Variants in ITGAE observed in about 807,000 individuals in gnomAD.
ITGAE encodes integrin alpha-E.
A neutral mutation model predicts 136.5 loss-of-function variants in ITGAE; 99 were observed. That is an observed-to-expected ratio of 0.73 (90% CI 0.62 to 0.86). The LOEUF (loss-of-function observed/expected upper bound fraction) is 0.86, where lower values mean the gene tolerates loss of function less well. Ranked by LOEUF, ITGAE falls within the 40% of genes least tolerant of loss-of-function variation. The pLI is 0.00. For synonymous variants in ITGAE, 613 were observed against 591.8 expected (o/e 1.04, Z -0.52); for missense variants, 1,447 against 1,515.3 (o/e 0.95, Z 0.75).
chr17:3,786,888 CAAAAAA>C (rs1268482931), intron 1 of ITGAE, among the ~76,000 whole-genome samples: 1 of 35,316 alleles, frequency 2.8e-5, no homozygotes, highest in African/African-American at 9.7e-5. Context: ...GACTCCATCT[CAAAAAA>C]AAAAAAAAAA....
In ITGAE at chr17:3,776,586, T is replaced by A. The variant is rs536928655; in HGVS notation, c.155+954A>T. 1.3e-4 allele frequency among the ~76,000 whole-genome samples: 20 copies of A among 152,088 alleles called. 2 individuals are homozygous for A. Among genetic ancestry groups the A allele is most frequent in the Non-Finnish European group, 2.9e-5 (2 of 68,020 alleles). On this transcript the variant is annotated intron_variant, in intron 2 of 30. Transcript: ENST00000263087. ...ACGCTTGTTCCTCATAGTTTCAGGG[T>A]TTTTGTTCTGGAGACAGGCCGGAGT...
intron 29 of ITGAE, among the ~76,000 whole-genome samples, chr17:3,719,667 G>A (rs2051010986): frequency 6.6e-6 from 1 of 152,156 alleles, no homozygotes; most frequent in South Asian, 2.1e-4. Context: ...CACTGATACA[G>A]CACACTAAGA....
chr17:3,757,658 C>A, intron 9 of ITGAE, 48 bp downstream of exon 9: 1 of 1,602,344 alleles, frequency 6.2e-7, no homozygotes, highest in Non-Finnish European at 8.5e-7. Context: ...TTCTCCCCAC[C>A]CCAGGCTGTG....
chr17:3,740,704 T>G (rs949636509), intron 19 of ITGAE, among the ~76,000 whole-genome samples: 1 of 152,194 alleles, frequency 6.6e-6, no homozygotes, highest in Non-Finnish European at 1.5e-5. Flanking sequence ...AGCTAACTAT[T>G]TCCCTTGCCT....
Position 3,787,870 on chromosome 17 carries a change from T to C in ITGAE, c.35-10210A>G, listed in dbSNP as rs113288164. Among the ~76,000 whole-genome samples, 516 of 152,104 alleles carry C rather than the reference T, an allele frequency of 3.4e-3. 1 individual carries two copies. The highest frequency in any genetic ancestry group is 5.3e-3 in the Non-Finnish European group (361 of 67,978). ...GCCCGGGTAATTTTTGTATTTTTAG[T>C]AGAGATGGGCTTTTCGCCATGTTGG... On this transcript the variant is annotated intron_variant, in intron 1 of 30. Transcript: ENST00000263087.
chr17:3,719,107 G>C (rs1360916178), intron 29 of ITGAE, among the ~76,000 whole-genome samples: 2 of 140,610 alleles, frequency 1.4e-5, no homozygotes, highest in East Asian at 1.9e-4. Context: ...ATGGTGGTGG[G>C]CACCTGTAAT....
chr17:3,795,262 G>A (rs1362111800), intron 1 of ITGAE, among the ~76,000 whole-genome samples: 8 of 152,172 alleles, frequency 5.3e-5, no homozygotes, highest in Non-Finnish European at 8.8e-5. Context: ...ACTGTGATGT[G>A]ATCTGAGTCA....
rs2051758036 is a variant in ITGAE at position 3,747,977 on chromosome 17, G to A, written c.2100C>T (p.Val700=). Residue 700 remains valine, a synonymous_variant, in exon 17 of 31, where the codon GTC becomes GTT. Coordinates refer to ENST00000263087, the MANE Select transcript of ITGAE (RefSeq NM_002208.5). ...PSALPIGFNG[V]VNVRLCFEIS... The stretch of plus-strand genomic sequence containing the variant: ...TTTCAAAACATAAACGGACATTCAC[G>A]ACGCCGTTGAAGCCGATGGGCAGTG... The A allele has an allele frequency of 1.2e-6, 2 of 1,613,184 alleles. No homozygotes were observed. Among genetic ancestry groups the A allele is most frequent in the South Asian group, 1.1e-5 (1 of 91,054 alleles).
chr17:3,761,159 T>C lies in ITGAE; in HGVS notation c.452A>G (p.Asp151Gly), dbSNP rs1329144882. Residue 151 changes from aspartate to glycine, a missense_variant, in exon 6 of 31, where the codon GAT becomes GGT. Transcript: ENST00000263087. ...GCAGTCTCCAGTGTCCACACGTGCA[T>C]CTGGATCCAGGAGATTTTCTTTAAA... Reference protein sequence around the residue: ...FFDLENLLDPDARVDTGDCYS... With the variant: ...FFDLENLLDPGARVDTGDCYS... 6.2e-7 allele frequency: 1 copy of C among 1,609,138 alleles called. No individual in the cohort carries two copies.
At chr17:3,766,360 A>G (rs1369672791) in intron 2 of ITGAE, among the ~76,000 whole-genome samples, 1 of 152,088 alleles carries the variant, frequency 6.6e-6, no homozygotes, top group Admixed American at 6.5e-5. Flanking sequence ...CTGCAGGCCT[A>G]AGGAGGAGGA....
chr17:3,779,054 TA>T (rs11348875), intron 1 of ITGAE, among the ~76,000 whole-genome samples: 13,795 of 142,802 alleles, frequency 0.097, 894 homozygotes, highest in African/African-American at 0.2. Context: ...TAACCTATAG[TA>T]AAAAAAAAAA....
intron 5 of ITGAE, 28 bp from the exon 6 acceptor site, chr17:3,761,205 G>T: frequency 6.2e-7 from 1 of 1,604,978 alleles, no homozygotes; most frequent in Non-Finnish European, 8.5e-7. Flanking sequence ...GAAGAGCTCA[G>T]AGTCAGAAAG....
At chr17:3,782,287 A>AC (rs2052683367) in intron 1 of ITGAE, among the ~76,000 whole-genome samples, 1 of 148,576 alleles carries the variant, frequency 6.7e-6, no homozygotes, top group Admixed American at 6.8e-5. Flanking sequence ...AAAAAAAAAA[A>AC]AAAAAAAAAA....
intron 1 of ITGAE, among the ~76,000 whole-genome samples, chr17:3,797,316 C>T (rs1274488592): frequency 2.0e-5 from 3 of 150,928 alleles, no homozygotes; most frequent in Admixed American, 2.0e-4. Context: ...CAGGCACCCG[C>T]CACCATGCCC....
At chr17:3,734,189 G>C (rs570743459) in intron 21 of ITGAE, among the ~76,000 whole-genome samples, 54 of 152,300 alleles carry the variant, frequency 3.5e-4, no homozygotes, top group South Asian at 8.3e-4. Context: ...TCCTGCCTCA[G>C]CCTCCCGAGT....
intron 12 of ITGAE, 120 bp from the exon 13 acceptor site, chr17:3,754,045 G>C: frequency 1.8e-6 from 2 of 1,114,812 alleles, no homozygotes; most frequent in East Asian, 5.1e-5. Context: ...CAAAATAGGA[G>C]AGACTGTCTT....
At chr17:3,754,439 T>C (rs1458153606) in intron 12 of ITGAE, among the ~76,000 whole-genome samples, 1 of 152,112 alleles carries the variant, frequency 6.6e-6, no homozygotes, top group Non-Finnish European at 1.5e-5. Context: ...GCCTAGCTAA[T>C]TTTTGTATTT....
intron 26 of ITGAE, chr17:3,724,705 C>CT: frequency 6.2e-7 from 1 of 1,614,192 alleles, no homozygotes; most frequent in African/African-American, 1.3e-5. Flanking sequence ...CCTGAGGATT[C>CT]TGAGTTTCGG....
chr17:3,772,929 G>A (rs957642803), intron 2 of ITGAE, among the ~76,000 whole-genome samples: 8 of 152,086 alleles, frequency 5.3e-5, no homozygotes, highest in African/African-American at 1.7e-4. Context: ...GCAGTCCTTC[G>A]GCAACCAGCT....
Sources: gnomAD v4.1 joint callset for allele counts (sites outside exome capture counted in the v4.1 genomes callset) on GRCh38, gnomAD v4.1.1 for gene constraint, MANE v1.5 for transcripts, NCBI Gene and HGNC (gene_info 2026-07-23, HGNC 2026-07-21) for gene names.